MAP3K13: variants seen among roughly 807,000 people sequenced by gnomAD.
The protein encoded by MAP3K13 is leucine zipper-bearing kinase.
MAP3K13 carries 52 observed loss-of-function variants against 104.0 expected under a neutral mutation model. The ratio of observed to expected loss-of-function variants is 0.50; its 90% CI spans 0.40 to 0.63. The LOEUF is 0.63. MAP3K13 is among the 20% of genes least tolerant of loss of function. The probability of loss-of-function intolerance (pLI) is 0.00; values close to 1 mark genes in which losing one functional copy is unlikely to be tolerated. For synonymous variants in MAP3K13, 394 were observed against 442.2 expected, an observed-to-expected ratio of 0.89 and a Z score of 1.37; for missense variants, 914 against 1,218.5, an observed-to-expected ratio of 0.75 and a Z score of 3.72.
intron 2 of MAP3K13, among the ~76,000 whole-genome samples, chr3:185,301,615 A>C (rs1560039641): frequency 6.6e-6 from 1 of 152,160 alleles, no homozygotes; most frequent in African/African-American, 2.4e-5. Context: ...CCTATGATCC[A>C]TTCTGAGTTC....
chr3:185,308,193 T>C (rs1721370936), intron 2 of MAP3K13, among the ~76,000 whole-genome samples: 1 of 152,092 alleles, frequency 6.6e-6, no homozygotes, highest in Admixed American at 6.5e-5. Flanking sequence ...AGCCCAGCTA[T>C]AGAGTCTTAG....
upstream of MAP3K13, among the ~76,000 whole-genome samples, chr3:185,362,650 TA>T (rs1178270100): frequency 6.6e-6 from 1 of 152,106 alleles, no homozygotes; most frequent in Non-Finnish European, 1.5e-5. Flanking sequence ...ATTTTGCTTT[TA>T]CAAGTCCCGA....
chr3:185,465,273 G>C (rs1717346147), intron 8 of MAP3K13, among the ~76,000 whole-genome samples: 1 of 152,148 alleles, frequency 6.6e-6, no homozygotes, highest in African/African-American at 2.4e-5. Flanking sequence ...ACTGCATCTG[G>C]CCAACCCCAC....
At chr3:185,411,075 C>T (rs1236515475) in intron 1 of MAP3K13, among the ~76,000 whole-genome samples, 3 of 152,084 alleles carry the variant, frequency 2.0e-5, no homozygotes, top group Non-Finnish European at 4.4e-5. Context: ...AAGCTATCAT[C>T]GGAAGCAAAG....
intron 2 of MAP3K13, among the ~76,000 whole-genome samples, chr3:185,306,497 A>G (rs1269622062): frequency 1.3e-5 from 2 of 152,102 alleles, no homozygotes; most frequent in East Asian, 1.9e-4. Context: ...ATGGTATCTC[A>G]TTGTGGTTTT....
chr3:185,474,711 A>G (rs536083346), intron 11 of MAP3K13, among the ~76,000 whole-genome samples: 1 of 152,062 alleles, frequency 6.6e-6, no homozygotes, highest in Non-Finnish European at 1.5e-5. Flanking sequence ...TCTCCTCCTT[A>G]TCCACTGGCT....
rs1227291041 is a variant in MAP3K13, at chr3:185,455,818, TGAGATATATATGA to T, written c.1278+4426_1278+4438del. Among the ~76,000 whole-genome samples, 154 of 124,884 alleles carry T rather than the reference TGAGATATATATGA, an allele frequency of 1.2e-3. 6 individuals are homozygous for T. The highest frequency in any genetic ancestry group is 2.5e-3 in the East Asian group (11 of 4,378). 81.9% of individuals were successfully genotyped at this position (124,884 alleles called of 152,430 possible). A position where few individuals can be genotyped will look rare whatever the true frequency, so the allele number is the denominator to read the frequency against. On this transcript the variant is annotated intron_variant, in intron 7 of 13. Coordinates refer to ENST00000265026, the MANE Select transcript of MAP3K13 (RefSeq NM_004721.5). The stretch of plus-strand genomic sequence containing the variant: ...ATATGAGATATATGAGATATATATA[TGAGATATATATGA>T]GATATATATATGAGATATATATGAG...
intron 4 of MAP3K13, among the ~76,000 whole-genome samples, chr3:185,446,110 G>C (rs971152921): frequency 5.3e-5 from 8 of 152,144 alleles, no homozygotes; most frequent in African/African-American, 1.9e-4. Context: ...TGAGCTATTT[G>C]GTAAATAGCC....
At chr3:185,396,533 T>C (rs1379541731) in intron 1 of MAP3K13, among the ~76,000 whole-genome samples, 1 of 152,190 alleles carries the variant, frequency 6.6e-6, no homozygotes, top group African/African-American at 2.4e-5. Flanking sequence ...AGATCAATTA[T>C]ACCTGCTCTG....
chr3:185,375,953 G>C (rs536217414), intron 1 of MAP3K13, among the ~76,000 whole-genome samples: 1 of 152,188 alleles, frequency 6.6e-6, no homozygotes, highest in Non-Finnish European at 1.5e-5. Context: ...TCAAGTTAAG[G>C]CAGTCAGTTT....
chr3:185,470,836 T>G (rs900730496), intron 10 of MAP3K13, among the ~76,000 whole-genome samples: 1 of 152,210 alleles, frequency 6.6e-6, no homozygotes, highest in East Asian at 1.9e-4. Flanking sequence ...AATATAAACT[T>G]TACTTCTCAA....
At chr3:185,387,362 C>CCT (rs1391560448) in intron 1 of MAP3K13, among the ~76,000 whole-genome samples, 1 of 152,070 alleles carries the variant, frequency 6.6e-6, no homozygotes, top group African/African-American at 2.4e-5. Flanking sequence ...TCTGTTGCTT[C>CCT]CTCTCTCTCT....
chr3:185,458,062 T>C (rs1222732926), intron 7 of MAP3K13, among the ~76,000 whole-genome samples: 1 of 151,998 alleles, frequency 6.6e-6, no homozygotes, highest in African/African-American at 2.4e-5. Context: ...TCAAGAACAG[T>C]TGATTGTAAG....
chr3:185,292,177 C>A (rs1341841325), intron 2 of MAP3K13: 1 of 170,434 alleles, frequency 5.9e-6, no homozygotes, highest in Non-Finnish European at 1.2e-5. Context: ...TGGTGGCAGG[C>A]GCCTGTAATC....
At chr3:185,338,238 G>A (rs1234693169) in intron 2 of MAP3K13, among the ~76,000 whole-genome samples, 1 of 150,782 alleles carries the variant, frequency 6.6e-6, no homozygotes, top group Non-Finnish European at 1.5e-5. Context: ...GCTGAGGCAG[G>A]AGAATCTCTT....
intron 1 of MAP3K13, among the ~76,000 whole-genome samples, chr3:185,413,241 G>A (rs886283396): frequency 1.3e-5 from 2 of 152,284 alleles, no homozygotes; most frequent in Non-Finnish European, 1.5e-5. Flanking sequence ...CCCCATGTAC[G>A]AAGGGAGCCA....
intron 1 of MAP3K13, among the ~76,000 whole-genome samples, chr3:185,427,115 G>A (rs772805320): frequency 2.6e-5 from 4 of 152,118 alleles, no homozygotes; most frequent in Non-Finnish European, 4.4e-5. Context: ...CACTTTGTGA[G>A]GCAAAGGCAG....
intron 1 of MAP3K13, among the ~76,000 whole-genome samples, chr3:185,415,470 T>C (rs1384162352): frequency 1.3e-5 from 2 of 152,098 alleles, no homozygotes; most frequent in Non-Finnish European, 2.9e-5. Context: ...GGTCTAATTA[T>C]TCTTATGTTT....
intron 7 of MAP3K13, among the ~76,000 whole-genome samples, chr3:185,454,639 GATATATATATGAT>G (rs1716225664): frequency 8.9e-5 from 1 of 11,208 alleles, no homozygotes; most frequent in Non-Finnish European, 4.1e-4. Flanking sequence ...ATATATATGA[GATATATATATGAT>G]ATATATATGA....
Sources: gnomAD v4.1 joint callset for allele counts (sites outside exome capture counted in the v4.1 genomes callset) on GRCh38, gnomAD v4.1.1 for gene constraint, MANE v1.5 for transcripts, NCBI Gene and HGNC (gene_info 2026-07-23, HGNC 2026-07-21) for gene names.